MCPH1: variants seen among roughly 807,000 people sequenced by gnomAD.
MCPH1 encodes microcephalin.
MCPH1 carries 104 observed loss-of-function variants against 84.5 expected under a neutral mutation model. That is an observed-to-expected ratio of 1.23 (90% CI 1.05 to 1.45). MCPH1 has a LOEUF of 1.45. Among genes scored for constraint, MCPH1 ranks in the 40% most tolerant of loss-of-function variants. MCPH1 has a pLI of 0.00. For synonymous variants in MCPH1, 514 were observed against 366.8 expected (o/e 1.40, Z -4.58); for missense variants, 1,498 against 1,005.7 (o/e 1.49, Z -6.62).
chr8:6,440,188 G>C (rs1803298581), intron 6 of MCPH1, among the ~76,000 whole-genome samples: 1 of 152,068 alleles, frequency 6.6e-6, no homozygotes, highest in African/African-American at 2.4e-5. Flanking sequence ...CCAGTTATTA[G>C]AAATTGTGTT....
At chr8:6,568,157 G>A (rs766372388) in intron 12 of MCPH1, among the ~76,000 whole-genome samples, 11 of 152,138 alleles carry the variant, frequency 7.2e-5, no homozygotes, top group Non-Finnish European at 1.2e-4. Context: ...TTTTGGCTCA[G>A]TTTGCCCAGT....
intron 9 of MCPH1, among the ~76,000 whole-genome samples, chr8:6,468,551 G>A (rs1169533664): frequency 2.0e-5 from 3 of 152,056 alleles, no homozygotes; most frequent in Admixed American, 6.5e-5. Flanking sequence ...TACCGAGTTT[G>A]CTAGATGAAA....
intron 4 of MCPH1, among the ~76,000 whole-genome samples, chr8:6,432,455 G>C (rs1801987790): frequency 6.6e-6 from 1 of 152,320 alleles, no homozygotes; most frequent in African/African-American, 2.4e-5. Context: ...AAACTGTAGA[G>C]TTAAAGACAT....
At chr8:6,408,314 T>C (rs879752678) in intron 1 of MCPH1, among the ~76,000 whole-genome samples, 4 of 151,578 alleles carry the variant, frequency 2.6e-5, no homozygotes, top group African/African-American at 9.7e-5. Flanking sequence ...GCTCAAGCAA[T>C]TCTGCTTCAG....
chr8:6,475,922 T>C (rs1019198587), intron 9 of MCPH1, among the ~76,000 whole-genome samples: 5 of 152,000 alleles, frequency 3.3e-5, no homozygotes, highest in Non-Finnish European at 7.4e-5. Context: ...AGGAGGTGTA[T>C]AAGGCAGATC....
chr8:6,540,585 ACGTTG>A, intron 12 of MCPH1, among the ~76,000 whole-genome samples: 1 of 152,234 alleles, frequency 6.6e-6, no homozygotes, highest in Admixed American at 6.5e-5. Context: ...AGTGCAACAG[ACGTTG>A]TCAGGCCACG....
intron 12 of MCPH1, among the ~76,000 whole-genome samples, chr8:6,605,369 C>G (rs918342960): frequency 2.0e-5 from 3 of 152,188 alleles, no homozygotes; most frequent in Non-Finnish European, 4.4e-5. Flanking sequence ...AGTTTTGTAA[C>G]TAGAGCAGGG....
intron 8 of MCPH1, among the ~76,000 whole-genome samples, chr8:6,447,871 T>G (rs1263526768): frequency 2.6e-5 from 4 of 152,170 alleles, no homozygotes; most frequent in African/African-American, 9.7e-5. Flanking sequence ...TTCTAAAATC[T>G]TTAAAATCAT....
intron 12 of MCPH1, among the ~76,000 whole-genome samples, chr8:6,518,315 C>G (rs1816687163): frequency 6.6e-6 from 1 of 152,300 alleles, no homozygotes; most frequent in East Asian, 1.9e-4. Context: ...GTCATGAAAA[C>G]CAGATAGCAA....
chr8:6,620,448 C>A (rs772660825), intron 12 of MCPH1, among the ~76,000 whole-genome samples: 1 of 152,110 alleles, frequency 6.6e-6, no homozygotes, highest in Non-Finnish European at 1.5e-5. Context: ...TTCCCCCAAC[C>A]TGCACCCTAC....
chr8:6,458,681 G>C (rs1160357772), intron 9 of MCPH1, among the ~76,000 whole-genome samples: 1 of 152,060 alleles, frequency 6.6e-6, no homozygotes, highest in African/African-American at 2.4e-5. Flanking sequence ...GTATCACTCT[G>C]ATGCCCAGGC....
At position 6,468,914 on chromosome 8, in the gene MCPH1, C is replaced by A. The variant is rs546712537; in HGVS notation, c.1936-8680C>A. 5.9e-5 allele frequency among the ~76,000 whole-genome samples: 9 copies of A among 152,264 alleles called. No homozygotes were observed. In the South Asian group the frequency reaches 1.9e-3, roughly 32 times the overall value. ...TACTATAAGAAAGCTAAAGGCTGAG[C>A]ACAGTGGCTCATGCTTGTAATCCCA... On this transcript the variant is annotated intron_variant, in intron 9 of 13. Transcript: ENST00000344683.
chr8:6,523,556 A>C (rs1282563100), intron 12 of MCPH1, among the ~76,000 whole-genome samples: 2 of 152,174 alleles, frequency 1.3e-5, no homozygotes, highest in Non-Finnish European at 2.9e-5. Flanking sequence ...ACTCAAAGAC[A>C]TGCACAGTCA....
Position 6,600,277 on chromosome 8 carries a change from G to A in MCPH1, c.2215-21177G>A, listed in dbSNP as rs1315536193. On this transcript the variant is annotated intron_variant, in intron 12 of 13. Transcript: ENST00000344683. Reference sequence around the variant, plus strand: ...AATAGTGCTTAGTCAGGGACCCCCAGGGGAGTGCAAGGGAGAGAGGGTCCC... The same window carrying A: ...AATAGTGCTTAGTCAGGGACCCCCAAGGGAGTGCAAGGGAGAGAGGGTCCC... Among the ~76,000 whole-genome samples, 4 of 152,384 alleles carry A rather than the reference G, an allele frequency of 2.6e-5. No individual in the cohort carries two copies. In the East Asian group the frequency reaches 7.7e-4, roughly 29 times the overall value.
chr8:6,451,946 G>C (rs1175311132), intron 8 of MCPH1, among the ~76,000 whole-genome samples: 1 of 152,148 alleles, frequency 6.6e-6, no homozygotes, highest in Non-Finnish European at 1.5e-5. Flanking sequence ...ATTAATATTA[G>C]CATTGTTAGT....
At chr8:6,642,729 C>A (rs756530728) in intron 13 of MCPH1, 4 of 523,836 alleles carry the variant, frequency 7.6e-6, no homozygotes, top group African/African-American at 5.7e-5. Flanking sequence ...ACAACGGGAA[C>A]GTGCCCTGCA....
chr8:6,496,063 C>G (rs1386635113), intron 11 of MCPH1, among the ~76,000 whole-genome samples: 2 of 152,254 alleles, frequency 1.3e-5, no homozygotes, highest in East Asian at 1.9e-4. Context: ...TTATTGTACA[C>G]TTTATTTCTA....
At chr8:6,484,438 T>C (rs1253926251) in intron 11 of MCPH1, among the ~76,000 whole-genome samples, 1 of 152,236 alleles carries the variant, frequency 6.6e-6, no homozygotes, top group Non-Finnish European at 1.5e-5. Flanking sequence ...CTGGTGTGTG[T>C]GGGAAGTGGT....
chr8:6,593,411 A>G (rs1245591216), intron 12 of MCPH1, among the ~76,000 whole-genome samples: 2 of 150,382 alleles, frequency 1.3e-5, no homozygotes, highest in African/African-American at 2.5e-5. Context: ...CTGCAGTGCA[A>G]TGGCGCGATC....
Sources: gnomAD v4.1 joint callset for allele counts (sites outside exome capture counted in the v4.1 genomes callset) on GRCh38, gnomAD v4.1.1 for gene constraint, MANE v1.5 for transcripts, NCBI Gene and HGNC (gene_info 2026-07-23, HGNC 2026-07-21) for gene names.